Variants in SCGN observed in about 807,000 individuals in gnomAD.
The protein encoded by SCGN is secretagogin.
In SCGN, 30 loss-of-function variants were observed where a neutral mutation model predicts 39.7. The observed-to-expected ratio is 0.76, with a 90% confidence interval of 0.57 to 1.03. The LOEUF (loss-of-function observed/expected upper bound fraction) is 1.03, where lower values mean the gene tolerates loss of function less well. Among genes scored for constraint, SCGN ranks in the 50% least tolerant of loss-of-function variants. The probability of loss-of-function intolerance (pLI) is 0.00; values close to 1 mark genes in which losing one functional copy is unlikely to be tolerated. For synonymous variants in SCGN, 106 were observed against 114.1 expected (o/e 0.93, Z 0.45); for missense variants, 353 against 349.4 (o/e 1.01, Z -0.08).
At chr6:25,654,419 C>G (rs1054464756) in intron 2 of SCGN, among the ~76,000 whole-genome samples, 1 of 152,188 alleles carries the variant, frequency 6.6e-6, no homozygotes, top group African/African-American at 2.4e-5. Context: ...CTGTCTGCCT[C>G]TCATATTCTG....
intron 4 of SCGN, among the ~76,000 whole-genome samples, chr6:25,665,447 A>G (rs1760408478): frequency 6.6e-6 from 1 of 152,250 alleles, no homozygotes; most frequent in Non-Finnish European, 1.5e-5. Context: ...AACTAATTTT[A>G]GTTTTGAAGG....
intron 10 of SCGN, 40 bp from the exon 11 acceptor site, chr6:25,701,167 A>G: frequency 6.3e-7 from 1 of 1,585,676 alleles, no homozygotes; most frequent in Non-Finnish European, 8.6e-7. Context: ...TGAGAACACC[A>G]TTGGCTTGCC....
chr6:25,666,203 A>G (rs1422375119), intron 4 of SCGN, among the ~76,000 whole-genome samples: 5 of 151,588 alleles, frequency 3.3e-5, no homozygotes, highest in Non-Finnish European at 7.4e-5. Context: ...AAAAAATACA[A>G]AAACTAGCCG....
intron 6 of SCGN, among the ~76,000 whole-genome samples, chr6:25,673,800 A>C (rs1000803310): frequency 6.6e-6 from 1 of 152,126 alleles, no homozygotes; most frequent in Non-Finnish European, 1.5e-5. Context: ...CTATAAAGAA[A>C]TACCTGTGAC....
intron 2 of SCGN, among the ~76,000 whole-genome samples, chr6:25,660,589 G>T (rs1439084860): frequency 8.5e-5 from 13 of 152,226 alleles, no homozygotes; most frequent in African/African-American, 3.1e-4. Flanking sequence ...ACATGCTGGG[G>T]TTATTCTTGA....
intron 10 of SCGN, 70 bp from the exon 11 acceptor site, chr6:25,701,137 T>A: frequency 4.6e-6 from 7 of 1,531,788 alleles, no homozygotes; most frequent in Non-Finnish European, 6.2e-6. Flanking sequence ...TTAGGGAGCA[T>A]CAGAGAGGGT....
chr6:25,658,749 C>T (rs1760280537), intron 2 of SCGN, among the ~76,000 whole-genome samples: 2 of 152,060 alleles, frequency 1.3e-5, no homozygotes, highest in Admixed American at 1.3e-4. Context: ...ATTCATTAAC[C>T]TCTTTCTGTT....
intron 10 of SCGN, among the ~76,000 whole-genome samples, chr6:25,692,459 AC>A (rs140305715): frequency 2.0e-5 from 3 of 151,602 alleles, no homozygotes; most frequent in African/African-American, 7.3e-5. Flanking sequence ...CTACCCCACC[AC>A]CCCCCAGAGA....
intron 6 of SCGN, among the ~76,000 whole-genome samples, chr6:25,677,956 A>G (rs1469602281): frequency 1.3e-5 from 2 of 152,224 alleles, no homozygotes; most frequent in Admixed American, 1.3e-4. Context: ...GTGATTTTGC[A>G]TTTTACAATC....
intron 10 of SCGN, among the ~76,000 whole-genome samples, chr6:25,693,183 G>T (rs1266828147): frequency 6.6e-6 from 1 of 152,042 alleles, no homozygotes; most frequent in East Asian, 1.9e-4. Flanking sequence ...CGGGCGCGGT[G>T]GCTCATGCCT....
chr6:25,653,167 A>C (rs763747896), intron 1 of SCGN, among the ~76,000 whole-genome samples: 1 of 152,194 alleles, frequency 6.6e-6, no homozygotes, highest in Non-Finnish European at 1.5e-5. Flanking sequence ...CCAAGCACTA[A>C]TATAAACCCT....
intron 6 of SCGN, among the ~76,000 whole-genome samples, chr6:25,678,089 T>TTAAGGCATTTGTTAA (rs1160152951): frequency 1.3e-5 from 2 of 152,220 alleles, no homozygotes; most frequent in Non-Finnish European, 2.9e-5. Context: ...ACTTAGAATT[T>TTAAGGCATTTGTTAA]TAAGGCATTT....
At chr6:25,679,780 G>T (rs184895937) in intron 6 of SCGN, among the ~76,000 whole-genome samples, 1 of 152,178 alleles carries the variant, frequency 6.6e-6, no homozygotes, top group African/African-American at 2.4e-5. Context: ...GGAAATCCAC[G>T]TAGAGTCTTT....
At chr6:25,691,318 C>T (rs1314873217) in intron 10 of SCGN, among the ~76,000 whole-genome samples, 194 bp downstream of exon 10, 1 of 152,216 alleles carries the variant, frequency 6.6e-6, no homozygotes, top group Non-Finnish European at 1.5e-5. Flanking sequence ...GTTTAAATTA[C>T]ATGAAGCTAT....
chr6:25,674,506 C>A (rs1436174755), intron 6 of SCGN, among the ~76,000 whole-genome samples: 1 of 152,142 alleles, frequency 6.6e-6, no homozygotes, highest in Non-Finnish European at 1.5e-5. Flanking sequence ...ATACACCAAG[C>A]GTGAAATCAC....
At chr6:25,682,212 C>G (rs549003644) in intron 7 of SCGN, among the ~76,000 whole-genome samples, 4 of 152,180 alleles carry the variant, frequency 2.6e-5, no homozygotes, top group African/African-American at 9.7e-5. Context: ...CTCTCCAAAA[C>G]GCACAACACA....
chr6:25,668,130 G>A (rs564168872), intron 4 of SCGN, among the ~76,000 whole-genome samples: 1 of 151,984 alleles, frequency 6.6e-6, no homozygotes, highest in African/African-American at 2.4e-5. Flanking sequence ...AGCTCAGGAC[G>A]CTGATTGTGG....
At chr6:25,658,325 C>A (rs573686809) in intron 2 of SCGN, among the ~76,000 whole-genome samples, 9 of 152,040 alleles carry the variant, frequency 5.9e-5, no homozygotes, top group South Asian at 2.1e-4. Context: ...AGGCATGAGA[C>A]ACCATGCCCA....
In SCGN at chr6:25,652,453, TCTGGCA is replaced by T; in HGVS notation, c.51_56del (p.Phe17_Gln19delinsLeu). ...CTGGGGCGCTTGGACGCCGCTGGCTTCTGGCAGGTCTGGCAGCGCTTTGATGCGGAT... is the reference window on the plus strand; with the variant it reads ...CTGGGGCGCTTGGACGCCGCTGGCTTGGTCTGGCAGCGCTTTGATGCGGAT... On this transcript the variant is annotated inframe_deletion, in exon 1 of 11. Coordinates refer to ENST00000377961, the MANE Select transcript of SCGN (RefSeq NM_006998.4). The T allele has an allele frequency of 6.2e-7, 1 of 1,614,046 alleles. No homozygotes were observed. Among genetic ancestry groups the T allele is most frequent in the Non-Finnish European group, 8.5e-7 (1 of 1,180,000 alleles).
Sources: allele counts gnomAD v4.1 joint callset (sites outside exome capture counted in the v4.1 genomes callset), GRCh38; gene constraint gnomAD v4.1.1; transcripts MANE v1.5; gene names NCBI Gene and HGNC (gene_info 2026-07-23, HGNC 2026-07-21).